SHCBP1: variants seen among roughly 807,000 people sequenced by gnomAD.
SHCBP1 encodes SHC SH2 domain-binding protein 1.
A neutral mutation model predicts 75.1 loss-of-function variants in SHCBP1; 60 were observed. That is an observed-to-expected ratio of 0.80 (90% CI 0.65 to 0.99). The LOEUF (loss-of-function observed/expected upper bound fraction) is 0.99, where lower values mean the gene tolerates loss of function less well. Among genes scored for constraint, SHCBP1 ranks in the 50% least tolerant of loss-of-function variants. The pLI is 0.00. For missense variants in SHCBP1, 709 were observed against 809.4 expected (o/e 0.88, Z 1.50); for synonymous variants, 290 against 293.2 (o/e 0.99, Z 0.11).
At chr16:46,609,174 C>T (rs1965368811) in intron 4 of SHCBP1, among the ~76,000 whole-genome samples, 1 of 152,022 alleles carries the variant, frequency 6.6e-6, no homozygotes, top group South Asian at 2.1e-4. Flanking sequence ...CATTGGAGTT[C>T]CCTGGGACAC....
chr16:46,603,022 G>A (rs904078887), intron 8 of SHCBP1, among the ~76,000 whole-genome samples: 1 of 152,126 alleles, frequency 6.6e-6, no homozygotes, highest in African/African-American at 2.4e-5. Flanking sequence ...GTGACATTCG[G>A]CAAGCATTTA....
At position 46,616,272 on chromosome 16, in the gene SHCBP1, CCATAATATAAAGGATGAACAAGA is replaced by C; in HGVS notation, c.388-141_388-119del. On this transcript the variant is annotated intron_variant, in intron 3 of 12. Coordinates refer to ENST00000303383, the MANE Select transcript of SHCBP1 (RefSeq NM_024745.5). This position sits in a 1 kb window ranked among gnomAD's most constrained non-coding sequence, Gnocchi z 4.4. ...TACAACATGGGTGGGGAGGCTTTAC[CCATAATATAAAGGATGAACAAGA>C]CAGGCTGCCTCTTACCCTCATGGAG... The C allele has an allele frequency of 1.0e-6, 1 of 970,172 alleles. No individual in the cohort carries two copies. Among genetic ancestry groups the C allele is most frequent in the Non-Finnish European group, 1.6e-6 (1 of 644,392 alleles). The allele number at this position is 970,172 out of a possible 1,614,324, so 60.1% of individuals were successfully genotyped here.
intron 10 of SHCBP1, among the ~76,000 whole-genome samples, chr16:46,593,745 CAA>C (rs921632449): frequency 7.5e-6 from 1 of 132,950 alleles, no homozygotes. Flanking sequence ...GTCCCTATCT[CAA>C]AAAAAAAAAG....
At chr16:46,603,427 A>T (rs974638186) in intron 8 of SHCBP1, 112 bp downstream of exon 8, 1 of 1,464,240 alleles carries the variant, frequency 6.8e-7, no homozygotes, top group African/African-American at 1.4e-5. Context: ...GCAGCTCACT[A>T]GAAATCAAAT....
chr16:46,604,057 G>A lies in SHCBP1; in HGVS notation c.1010C>T (p.Ser337Phe), dbSNP rs201568619. The A allele has an allele frequency of 1.7e-4, 269 of 1,614,188 alleles. No homozygotes were observed. Among genetic ancestry groups the A allele is most frequent in the Admixed American group, 9.5e-4 (57 of 60,016 alleles). ...CCGCAGGAGACCAGCCATCATGGTG[G>A]AGGAGACCACATGAGTGATCTTCTG... is the stretch of plus-strand genomic sequence containing the variant. ...SGQKITHVVS[S>F]TMMAGLLRSL... The change falls in exon 7 of 13, where the codon TCC becomes TTC. Residue 337 changes from serine (S) to phenylalanine (F), a missense_variant. By Grantham distance (155) the Ser-to-Phe change is radical. Transcript: ENST00000303383.
intron 10 of SHCBP1, among the ~76,000 whole-genome samples, chr16:46,585,742 C>A (rs927771905): frequency 6.6e-6 from 1 of 152,212 alleles, no homozygotes; most frequent in African/African-American, 2.4e-5. Flanking sequence ...TCCCTCCCTA[C>A]TGGGGCAGTG....
intron 9 of SHCBP1, among the ~76,000 whole-genome samples, chr16:46,597,751 T>C (rs1331825200): frequency 6.6e-6 from 1 of 152,218 alleles, no homozygotes; most frequent in Non-Finnish European, 1.5e-5. Context: ...TGAAAGGATT[T>C]CTCTGTAGCA....
intron 4 of SHCBP1, among the ~76,000 whole-genome samples, chr16:46,613,907 C>T (rs991807040): frequency 6.6e-6 from 1 of 152,190 alleles, no homozygotes; most frequent in Admixed American, 6.5e-5. Context: ...CAAATCTCAG[C>T]CCTCCAAATG....
In SHCBP1 at chr16:46,616,440, G is replaced by A. The variant is rs1965501526; in HGVS notation, c.388-286C>T. ...GGGCAAGGAAGTCAGCTCTGAGCCA[G>A]GCTGAGGAGGATGAGAAGGAAGCGG... On this transcript the variant is annotated intron_variant, in intron 3 of 12. Transcript: ENST00000303383. This position sits in a 1 kb window ranked among gnomAD's most constrained non-coding sequence, Gnocchi z 4.4. 6.6e-6 allele frequency among the ~76,000 whole-genome samples: 1 copy of A among 152,224 alleles called. No individual in the cohort carries two copies. Among genetic ancestry groups the A allele is most frequent in the Admixed American group, 6.5e-5 (1 of 15,292 alleles).
rs118189566 is a variant in SHCBP1 at position 46,583,735 on chromosome 16, T to A, written c.1552-78A>T. ...CCTTAAAAATCTTCTTTATTCACAC[T>A]ATTCTAAAAATAAAAGGAAAAAGCT... On this transcript the variant is annotated intron_variant, in intron 11 of 12. Coordinates refer to ENST00000303383, the MANE Select transcript of SHCBP1 (RefSeq NM_024745.5). The A allele has an allele frequency of 1.0e-3, 1,516 of 1,499,838 alleles. 8 individuals are homozygous for A. The East Asian group carries it at 0.016, about 16-fold the overall frequency. 92.9% of individuals were successfully genotyped at this position (1,499,838 alleles called of 1,614,324 possible). A position where few individuals can be genotyped will look rare whatever the true frequency, so the allele number is the denominator to read the frequency against.
In SHCBP1 at chr16:46,599,941, A is replaced by G. The variant is rs776601536; in HGVS notation, c.1235T>C (p.Ile412Thr). Residue 412 changes from isoleucine to threonine, a missense_variant, in exon 9 of 13, where the codon ATT (isoleucine) becomes ACT (threonine). Physicochemically the swap from Ile to Thr is moderately conservative, Grantham distance 89. Coordinates refer to ENST00000303383, the MANE Select transcript of SHCBP1 (RefSeq NM_024745.5). ...ELEGYGLPDD[I>T]VIEKRGKGDT... ...GCCTTTGCCCCTCTTTTCTATCACA[A>G]TGTCATCTGGTAGGCCATATCCTAA... The G allele has an allele frequency of 1.9e-5, 31 of 1,613,416 alleles. No individual in the cohort carries two copies. The Admixed American group carries it at 2.8e-4, about 15-fold the overall frequency.
chr16:46,593,325 G>T (rs1240263857), intron 10 of SHCBP1, among the ~76,000 whole-genome samples: 3 of 152,026 alleles, frequency 2.0e-5, no homozygotes, highest in African/African-American at 7.2e-5. Context: ...ATGAATGTAT[G>T]GACACTGAAA....
At chr16:46,587,371 A>T (rs1964969359) in intron 10 of SHCBP1, among the ~76,000 whole-genome samples, 2 of 152,216 alleles carry the variant, frequency 1.3e-5, no homozygotes, top group African/African-American at 4.8e-5. Context: ...AAGCAAATCA[A>T]GAAATGAAAA....
At chr16:46,612,258 A>C (rs1965427373) in intron 4 of SHCBP1, among the ~76,000 whole-genome samples, 1 of 152,230 alleles carries the variant, frequency 6.6e-6, no homozygotes, top group Non-Finnish European at 1.5e-5. Context: ...ACGTTGACTG[A>C]ATACAAGAAC....
chr16:46,603,627 G>C lies in SHCBP1; in HGVS notation c.1125C>G (p.Ala375=), dbSNP rs141306317. Residue 375 remains alanine, a synonymous_variant, in exon 8 of 13, where the codon GCC becomes GCG. Coordinates refer to ENST00000303383, the MANE Select transcript of SHCBP1 (RefSeq NM_024745.5). ...FHSDPLSAIN[A]CFEGDTVIVC... ...CAATAACAGTGTCACCTTCGAAGCA[G>C]GCATTTATAGCAGACAATGGATCAC... 2.5e-6 allele frequency: 4 copies of C among 1,614,134 alleles called. No individual in the cohort carries two copies. The highest frequency in any genetic ancestry group is 3.4e-6 in the Non-Finnish European group (4 of 1,180,034).
At chr16:46,596,790 C>T (rs1441735335) in intron 9 of SHCBP1, among the ~76,000 whole-genome samples, 4 of 150,738 alleles carry the variant, frequency 2.7e-5, no homozygotes, top group Admixed American at 2.0e-4. Flanking sequence ...TGCAGTGGTG[C>T]GATCTTGGCT....
In SHCBP1 at chr16:46,582,018, G is replaced by A; in HGVS notation, c.1730C>T (p.Pro577Leu). The change falls in exon 13 of 13, where the codon CCA becomes CTA. Residue 577 changes from proline to leucine, a missense_variant. Physicochemically the swap from Pro to Leu is moderately conservative, Grantham distance 98. Coordinates refer to ENST00000303383, the MANE Select transcript of SHCBP1 (RefSeq NM_024745.5). ...KALKIQTSGEPDVAERVDLEE... is the reference protein window; with the variant it reads ...KALKIQTSGELDVAERVDLEE... ...TAGATCCACTCTTTCAGCCACATCT[G>A]GCTCTCCACTTGTCTGAATTTTAAG... 6.2e-7 allele frequency: 1 copy of A among 1,612,560 alleles called. No individual in the cohort carries two copies. The highest frequency in any genetic ancestry group is 8.5e-7 in the Non-Finnish European group (1 of 1,179,376).
chr16:46,601,854 G>A (rs1965242101), intron 8 of SHCBP1, among the ~76,000 whole-genome samples: 1 of 152,012 alleles, frequency 6.6e-6, no homozygotes, highest in Admixed American at 6.6e-5. Context: ...CTAAATGAAT[G>A]GATTTTCAAA....
At chr16:46,582,556 G>C (rs913824061) in intron 12 of SHCBP1, among the ~76,000 whole-genome samples, 1 of 152,184 alleles carries the variant, frequency 6.6e-6, no homozygotes, top group Non-Finnish European at 1.5e-5. Context: ...GAGATGGGGG[G>C]GCCATGAGGC....
Sources: allele counts gnomAD v4.1 joint callset (sites outside exome capture counted in the v4.1 genomes callset), GRCh38; gene constraint gnomAD v4.1.1; non-coding constraint Gnocchi (gnomAD v3.1); transcripts MANE v1.5; gene names NCBI Gene and HGNC (gene_info 2026-07-23, HGNC 2026-07-21).